Variants in SLC22A23 observed in about 807,000 individuals in gnomAD.
SLC22A23 encodes ion transporter protein.
SLC22A23 carries 26 observed loss-of-function variants against 61.0 expected under a neutral mutation model. The ratio of observed to expected loss-of-function variants is 0.43; its 90% CI spans 0.31 to 0.59. The LOEUF (loss-of-function observed/expected upper bound fraction) is 0.59, where lower values mean the gene tolerates loss of function less well. SLC22A23 is among the 20% of genes least tolerant of loss of function. SLC22A23 has a pLI of 0.11. For missense variants in SLC22A23, 796 were observed against 934.7 expected, an observed-to-expected ratio of 0.85 and a Z score of 1.94; for synonymous variants, 430 against 413.9, an observed-to-expected ratio of 1.04 and a Z score of -0.47.
Position 3,410,475 on chromosome 6 carries a change from T to G in SLC22A23, c.759-133A>C. 1 of 881,048 alleles carries G rather than the reference T, an allele frequency of 1.1e-6. No homozygotes were observed. The highest frequency in any genetic ancestry group is 1.7e-6 in the Non-Finnish European group (1 of 600,840). The allele number at this position is 881,048 out of a possible 1,614,324, so 54.6% of individuals were successfully genotyped here. On this transcript the variant is annotated intron_variant, in intron 2 of 9. Transcript: ENST00000406686. This position sits in a 1 kb window ranked among gnomAD's most constrained non-coding sequence, Gnocchi z 5.0. ...TGGGTAAAAAGTCCTGTGCCATCTA[T>G]ACCCACTTCACTAGATCCTAGGCTA... is the stretch of plus-strand genomic sequence containing the variant.
At chr6:3,430,459 C>T (rs1432414428) in intron 1 of SLC22A23, among the ~76,000 whole-genome samples, 2 of 152,186 alleles carry the variant, frequency 1.3e-5, no homozygotes, top group Non-Finnish European at 2.9e-5. Context: ...CTTTGTGCCA[C>T]CACCCAGTCC....
rs1027023761 is a variant in SLC22A23 at position 3,271,071 on chromosome 6, G to T, written c.*1984C>A. ...ATAGGTCCTATTCTGTACATAATGGGGGTTTGTTGACAGGTGGCTTTATAG... is the reference window on the plus strand; with the variant it reads ...ATAGGTCCTATTCTGTACATAATGGTGGTTTGTTGACAGGTGGCTTTATAG... On this transcript the variant is annotated 3_prime_UTR_variant, in exon 10 of 10. Coordinates refer to ENST00000406686, the MANE Select transcript of SLC22A23 (RefSeq NM_015482.2). 5.2e-5 allele frequency: 8 copies of T among 152,384 alleles called. No homozygotes were observed. The highest frequency in any genetic ancestry group is 4.6e-4 in the Admixed American group (7 of 15,284). 9.4% of individuals were successfully genotyped at this position (152,384 alleles called of 1,614,324 possible).
Position 3,270,021 on chromosome 6 carries a change from T to TGGGTGGTAATAATTTTA in SLC22A23, c.*3017_*3033dup. On this transcript the variant is annotated 3_prime_UTR_variant, in exon 10 of 10. Transcript: ENST00000406686. ...CATGTAACCTTTTTCCTGTTTCTCTTGGGTGGTAATAATTTTAGGGCATTT... is the reference window on the plus strand; with the variant it reads ...CATGTAACCTTTTTCCTGTTTCTCTTGGGTGGTAATAATTTTAGGGTGGTAATAATTTTAGGGCATTT... 1 of 152,632 alleles carries TGGGTGGTAATAATTTTA rather than the reference T, an allele frequency of 6.6e-6. No individual in the cohort carries two copies. Among genetic ancestry groups the TGGGTGGTAATAATTTTA allele is most frequent in the Non-Finnish European group, 1.5e-5 (1 of 68,050 alleles). 9.5% of individuals were successfully genotyped at this position (152,632 alleles called of 1,614,324 possible).
At chr6:3,434,221 G>A (rs745960997) in intron 1 of SLC22A23, among the ~76,000 whole-genome samples, 1 of 152,190 alleles carries the variant, frequency 6.6e-6, no homozygotes, top group East Asian at 1.9e-4. Context: ...GCTGAGGCAG[G>A]AGAATCACTT....
At chr6:3,331,890 C>A (rs994155480) in intron 3 of SLC22A23, among the ~76,000 whole-genome samples, 7 of 152,228 alleles carry the variant, frequency 4.6e-5, no homozygotes, top group Non-Finnish European at 1.0e-4. Flanking sequence ...ACTGAAGGAG[C>A]AGAGACGGGA....
At chr6:3,366,923 C>T (rs917956312) in intron 3 of SLC22A23, among the ~76,000 whole-genome samples, 2 of 152,194 alleles carry the variant, frequency 1.3e-5, no homozygotes, top group Non-Finnish European at 2.9e-5. Flanking sequence ...TTACTCAACT[C>T]CCCTGGCAGA....
chr6:3,334,671 A>G (rs1393789916), intron 3 of SLC22A23, among the ~76,000 whole-genome samples: 2 of 152,246 alleles, frequency 1.3e-5, no homozygotes, highest in East Asian at 1.9e-4. Context: ...CTAGGCAGAT[A>G]AGGAACGTGT....
intron 1 of SLC22A23, among the ~76,000 whole-genome samples, chr6:3,439,615 G>A (rs1335164273): frequency 6.6e-6 from 1 of 152,152 alleles, no homozygotes; most frequent in South Asian, 2.1e-4. Flanking sequence ...GCCAACTTAC[G>A]AATCTGTCCT....
chr6:3,275,533 A>G (rs1758812567), intron 9 of SLC22A23, among the ~76,000 whole-genome samples: 1 of 152,222 alleles, frequency 6.6e-6, no homozygotes, highest in Admixed American at 6.5e-5. Context: ...AAGACCATAG[A>G]CTGGGAGAAA....
At position 3,427,374 on chromosome 6, in the gene SLC22A23, T is replaced by TTA. The variant is rs1449107348; in HGVS notation, c.655-11520_655-11519insTA. ...TAATAAAACTACTTCAAAAAGGGTT[T>TTA]TGATTACTTAGAGTCTGAGCTATTC... On this transcript the variant is annotated intron_variant, in intron 1 of 9. Transcript: ENST00000406686. The surrounding 1 kb of genome is among the most constrained non-coding windows in gnomAD (Gnocchi z 4.3). Among the ~76,000 whole-genome samples the TTA allele has an allele frequency of 1.4e-5, 2 of 146,354 alleles. No homozygotes were observed. Among genetic ancestry groups the TTA allele is most frequent in the Non-Finnish European group, 3.1e-5 (2 of 65,310 alleles).
intron 1 of SLC22A23, among the ~76,000 whole-genome samples, chr6:3,447,189 G>A (rs976762739): frequency 2.0e-5 from 3 of 152,110 alleles, no homozygotes; most frequent in Non-Finnish European, 4.4e-5. Context: ...ATCAATTCCA[G>A]GCCCTACACA....
At chr6:3,401,800 T>C (rs770656379) in intron 3 of SLC22A23, among the ~76,000 whole-genome samples, 1 of 152,212 alleles carries the variant, frequency 6.6e-6, no homozygotes, top group East Asian at 1.9e-4. Flanking sequence ...TGGTAACCTT[T>C]AGTTGCTACC....
At chr6:3,362,133 G>A (rs901822692) in intron 3 of SLC22A23, among the ~76,000 whole-genome samples, 1 of 151,858 alleles carries the variant, frequency 6.6e-6, no homozygotes, top group Non-Finnish European at 1.5e-5. Flanking sequence ...GCCAGGTGTG[G>A]TGGCTCACGC....
Position 3,271,937 on chromosome 6 carries a change from A to C in SLC22A23, c.*1118T>G, listed in dbSNP as rs926970759. The C allele has an allele frequency of 6.6e-6, 1 of 152,306 alleles. No individual in the cohort carries two copies. Among genetic ancestry groups the C allele is most frequent in the Non-Finnish European group, 1.5e-5 (1 of 68,054 alleles). The allele number at this position is 152,306 out of a possible 1,614,324, so 9.4% of individuals were successfully genotyped here. A position where few individuals can be genotyped will look rare whatever the true frequency, so the allele number is the denominator to read the frequency against. ...ATCTCCGCTCCCTGCCCGAAGCCCC[A>C]CCTCTGTGCTATGCGAGTGACTGCA... On this transcript the variant is annotated 3_prime_UTR_variant, in exon 10 of 10. Transcript: ENST00000406686.
chr6:3,367,671 T>A (rs1417527551), intron 3 of SLC22A23, among the ~76,000 whole-genome samples: 1 of 152,182 alleles, frequency 6.6e-6, no homozygotes, highest in Non-Finnish European at 1.5e-5. Context: ...CAGCTCATAG[T>A]GGTGGTAGAA....
intron 7 of SLC22A23, among the ~76,000 whole-genome samples, chr6:3,285,330 C>G (rs1204472551): frequency 1.3e-5 from 2 of 152,246 alleles, no homozygotes; most frequent in African/African-American, 4.8e-5. Flanking sequence ...GAGTGAGACC[C>G]TGCTGGCCTC....
At chr6:3,429,700 C>CATG (rs1770735054) in intron 1 of SLC22A23, among the ~76,000 whole-genome samples, 1 of 152,202 alleles carries the variant, frequency 6.6e-6, no homozygotes, top group African/African-American at 2.4e-5. Flanking sequence ...GGTGCATGCA[C>CATG]ATGATGGAGG....
Position 3,306,063 on chromosome 6 carries a change from CCTT to C in SLC22A23, c.1083-7848_1083-7846del, listed in dbSNP as rs200811209. 3.4e-3 allele frequency among the ~76,000 whole-genome samples: 524 copies of C among 152,312 alleles called. 1 individual carries two copies. The highest frequency in any genetic ancestry group is 0.02 in the Middle Eastern group (6 of 294). On this transcript the variant is annotated intron_variant, in intron 4 of 9. Transcript: ENST00000406686. Reference sequence around the variant, plus strand: ...GAAGCATGGCACCAACATCTGCTCTCCTTCTGGTGAGGCCTCAGGAAGCTTTTA... The same window carrying C: ...GAAGCATGGCACCAACATCTGCTCTCCTGGTGAGGCCTCAGGAAGCTTTTA...
At chr6:3,344,319 C>T (rs1055655946) in intron 3 of SLC22A23, among the ~76,000 whole-genome samples, 5 of 152,188 alleles carry the variant, frequency 3.3e-5, no homozygotes, top group Non-Finnish European at 5.9e-5. Context: ...TAGTATTTCA[C>T]ATATATGGAA....
Sources: allele counts gnomAD v4.1 joint callset (sites outside exome capture counted in the v4.1 genomes callset), GRCh38; gene constraint gnomAD v4.1.1; non-coding constraint Gnocchi (gnomAD v3.1); transcripts MANE v1.5; gene names NCBI Gene and HGNC (gene_info 2026-07-23, HGNC 2026-07-21).